The following UBE2E2 variants were observed in gnomAD, a reference collection of about 807,000 sequenced individuals.
UBE2E2 encodes ubiquitin-conjugating enzyme E2 E2.
Under a neutral mutation model 24.7 loss-of-function variants are expected in UBE2E2, and 6 were observed. The ratio of observed to expected loss-of-function variants is 0.24; its 90% CI spans 0.13 to 0.48. UBE2E2 has a LOEUF of 0.48. Among genes scored for constraint, UBE2E2 ranks in the 20% least tolerant of loss-of-function variants. The probability of loss-of-function intolerance (pLI) is 0.99; values close to 1 mark genes in which losing one functional copy is unlikely to be tolerated. For synonymous variants in UBE2E2, 104 were observed against 83.6 expected (o/e 1.24, Z -1.33); for missense variants, 169 against 245.0 (o/e 0.69, Z 2.07).
At chr3:23,304,191 C>CA (rs1441093822) in intron 3 of UBE2E2, among the ~76,000 whole-genome samples, 1 of 152,108 alleles carries the variant, frequency 6.6e-6, no homozygotes, top group East Asian at 1.9e-4. Flanking sequence ...GTGGGCAGGT[C>CA]AAAGACGTAA....
At chr3:23,270,596 C>G (rs764483783) in intron 3 of UBE2E2, among the ~76,000 whole-genome samples, 11 of 152,090 alleles carry the variant, frequency 7.2e-5, no homozygotes, top group Admixed American at 6.5e-5. Flanking sequence ...GAGAAGCAGA[C>G]AGGGTAGGTT....
At chr3:23,536,885 A>G (rs530464510) in intron 5 of UBE2E2, among the ~76,000 whole-genome samples, 1 of 152,364 alleles carries the variant, frequency 6.6e-6, no homozygotes, top group Non-Finnish European at 1.5e-5. Flanking sequence ...ACATACTAAC[A>G]GTGTGACATA....
chr3:23,367,852 G>A (rs1374531295), intron 3 of UBE2E2, among the ~76,000 whole-genome samples: 1 of 152,118 alleles, frequency 6.6e-6, no homozygotes, highest in African/African-American at 2.4e-5. Context: ...TGTCAGAATT[G>A]AATTGGAGGA....
chr3:23,577,444 C>T (rs74486672), intron 5 of UBE2E2, among the ~76,000 whole-genome samples: 4,382 of 152,016 alleles, frequency 0.029, 105 homozygotes, highest in East Asian at 0.13. Context: ...AGCATAAGGC[C>T]GTAACTCTCT....
rs576282153 is a variant in UBE2E2, at chr3:23,512,723, T to C, written c.360+12983T>C. On this transcript the variant is annotated intron_variant, in intron 4 of 5. Transcript: ENST00000396703. ...ACTTTAGGAGGCCAAGACGGCCAGATCACCTGAAGTCAGGAGTTCAAGACC... is the reference window on the plus strand; with the variant it reads ...ACTTTAGGAGGCCAAGACGGCCAGACCACCTGAAGTCAGGAGTTCAAGACC... 2.8e-4 allele frequency among the ~76,000 whole-genome samples: 42 copies of C among 152,252 alleles called. No homozygotes were observed. The South Asian group carries it at 8.7e-3, about 32-fold the overall frequency.
At chr3:23,544,413 A>T (rs951213389) in intron 5 of UBE2E2, among the ~76,000 whole-genome samples, 2 of 152,214 alleles carry the variant, frequency 1.3e-5, no homozygotes, top group South Asian at 2.1e-4. Context: ...ATTTCTCAAA[A>T]GAAGATATAC....
intron 1 of UBE2E2, among the ~76,000 whole-genome samples, chr3:23,206,298 G>A (rs981123421): frequency 1.3e-5 from 2 of 151,038 alleles, no homozygotes; most frequent in Non-Finnish European, 2.9e-5. Context: ...CTGAAAGAAG[G>A]TGAAAAAAAA....
chr3:23,514,264 G>A (rs766463959), intron 4 of UBE2E2, among the ~76,000 whole-genome samples: 6 of 152,210 alleles, frequency 3.9e-5, no homozygotes, highest in Non-Finnish European at 5.9e-5. Context: ...TGCCACACTA[G>A]TTGTTGCTGT....
intron 3 of UBE2E2, among the ~76,000 whole-genome samples, chr3:23,234,696 T>C (rs540159714): frequency 1.3e-5 from 2 of 152,330 alleles, no homozygotes; most frequent in South Asian, 4.1e-4. Flanking sequence ...TAATCTCTAA[T>C]GGCTTAGAAT....
chr3:23,576,016 A>T (rs1696338990), intron 5 of UBE2E2, among the ~76,000 whole-genome samples: 1 of 152,240 alleles, frequency 6.6e-6, no homozygotes, highest in South Asian at 2.1e-4. Flanking sequence ...ATTTAAATAA[A>T]TAAAATATGG....
intron 3 of UBE2E2, among the ~76,000 whole-genome samples, chr3:23,438,273 C>G (rs1698226063): frequency 6.6e-6 from 1 of 152,128 alleles, no homozygotes; most frequent in Non-Finnish European, 1.5e-5. Context: ...AAAAGATTTC[C>G]TCATGCTGGA....
At chr3:23,276,053 A>G (rs1340177856) in intron 3 of UBE2E2, among the ~76,000 whole-genome samples, 2 of 152,128 alleles carry the variant, frequency 1.3e-5, no homozygotes, top group East Asian at 1.9e-4. Context: ...AGTAGAGACA[A>G]GCCTATTTAA....
intron 3 of UBE2E2, among the ~76,000 whole-genome samples, chr3:23,306,477 C>G (rs1322467153): frequency 1.3e-5 from 2 of 152,148 alleles, no homozygotes; most frequent in Non-Finnish European, 2.9e-5. Flanking sequence ...GTCTAAGTAT[C>G]AAACGAGTTG....
chr3:23,338,516 G>T (rs1695278239), intron 3 of UBE2E2, among the ~76,000 whole-genome samples: 1 of 152,148 alleles, frequency 6.6e-6, no homozygotes, highest in African/African-American at 2.4e-5. Flanking sequence ...CATAGCTCCA[G>T]TCAATACACC....
chr3:23,461,251 A>C (rs1698799253), intron 3 of UBE2E2, among the ~76,000 whole-genome samples: 1 of 152,204 alleles, frequency 6.6e-6, no homozygotes, highest in African/African-American at 2.4e-5. Context: ...ATAGTACTTA[A>C]AAGGCAGCCA....
chr3:23,553,075 AT>A (rs1313972041), intron 5 of UBE2E2, among the ~76,000 whole-genome samples: 9 of 140,376 alleles, frequency 6.4e-5, no homozygotes, highest in Non-Finnish European at 1.2e-4. Flanking sequence ...GTTGAAGATG[AT>A]TGTAGGAGAA....
intron 3 of UBE2E2, among the ~76,000 whole-genome samples, chr3:23,475,304 C>T (rs1464808654): frequency 6.6e-6 from 1 of 152,072 alleles, no homozygotes; most frequent in Non-Finnish European, 1.5e-5. Context: ...TCACAAATCT[C>T]TGCAATACAG....
intron 3 of UBE2E2, among the ~76,000 whole-genome samples, chr3:23,364,746 G>T (rs1376700619): frequency 6.6e-6 from 1 of 152,148 alleles, no homozygotes; most frequent in African/African-American, 2.4e-5. Flanking sequence ...AATTGAGGTG[G>T]AGGGAATCCT....
At position 23,440,416 on chromosome 3, in the gene UBE2E2, T is replaced by A. The variant is rs140518291; in HGVS notation, c.228-59192T>A. ...GGCCATTGTACCCGGCTATCTTATC[T>A]TCTTTATATAGATATCTAATAAGAT... On this transcript the variant is annotated intron_variant, in intron 3 of 5. Coordinates refer to ENST00000396703, the MANE Select transcript of UBE2E2 (RefSeq NM_152653.4). Among the ~76,000 whole-genome samples, 261 of 152,006 alleles carry A rather than the reference T, an allele frequency of 1.7e-3. 1 individual carries two copies. The highest frequency in any genetic ancestry group is 6.1e-3 in the African/African-American group (252 of 41,584).
Sources: gnomAD v4.1 joint callset for allele counts (sites outside exome capture counted in the v4.1 genomes callset) on GRCh38, gnomAD v4.1.1 for gene constraint, MANE v1.5 for transcripts, NCBI Gene and HGNC (gene_info 2026-07-23, HGNC 2026-07-21) for gene names.